Variants in MAPKAP1 observed in about 807,000 individuals in gnomAD.
The protein encoded by MAPKAP1 is target of rapamycin complex 2 subunit MAPKAP1.
MAPKAP1 carries 20 observed loss-of-function variants against 65.7 expected under a neutral mutation model. The ratio of observed to expected loss-of-function variants is 0.30; its 90% CI spans 0.21 to 0.44. MAPKAP1 has a LOEUF of 0.44. Ranked by LOEUF, MAPKAP1 falls within the 20% of genes least tolerant of loss-of-function variation. The pLI, the probability that MAPKAP1 is intolerant of heterozygous loss-of-function variation, is 1.00. For synonymous variants in MAPKAP1, 222 were observed against 244.3 expected (o/e 0.91, Z 0.85); for missense variants, 423 against 648.0 (o/e 0.65, Z 3.77).
chr9:125,476,487 C>T (rs1481131764), intron 9 of MAPKAP1, among the ~76,000 whole-genome samples: 1 of 152,154 alleles, frequency 6.6e-6, no homozygotes, highest in Admixed American at 6.5e-5. Flanking sequence ...GATCAATCCA[C>T]TTCCTAAGAA....
chr9:125,526,202 T>C (rs537928307), intron 7 of MAPKAP1, among the ~76,000 whole-genome samples: 1 of 152,326 alleles, frequency 6.6e-6, no homozygotes, highest in East Asian at 1.9e-4. Flanking sequence ...GCATGCTGGC[T>C]CCATGGACTT....
chr9:125,476,627 G>C (rs1254126692), intron 9 of MAPKAP1, among the ~76,000 whole-genome samples: 1 of 152,118 alleles, frequency 6.6e-6, no homozygotes, highest in Non-Finnish European at 1.5e-5. Context: ...TGCCTGAGGA[G>C]TGAGGCAGTC....
intron 8 of MAPKAP1, among the ~76,000 whole-genome samples, chr9:125,496,180 G>A (rs567003428): frequency 1.8e-4 from 27 of 152,304 alleles, no homozygotes; most frequent in Admixed American, 1.1e-3. Flanking sequence ...TTTATAGTGC[G>A]AACCAGTCCA....
intron 1 of MAPKAP1, among the ~76,000 whole-genome samples, chr9:125,698,306 T>TATAAATATATATAA: frequency 2.3e-5 from 1 of 44,276 alleles, no homozygotes; most frequent in Admixed American, 2.8e-4. Flanking sequence ...TATATATATA[T>TATAAATATATATAA]ATATATATAT....
chr9:125,470,544 A>G (rs1853870645), intron 9 of MAPKAP1, among the ~76,000 whole-genome samples: 1 of 152,232 alleles, frequency 6.6e-6, no homozygotes, highest in African/African-American at 2.4e-5. Flanking sequence ...TGTAAAGTAC[A>G]CTTTAACTTC....
chr9:125,502,353 G>A lies in MAPKAP1; in HGVS notation c.1066+3957C>T, dbSNP rs188388301. Among the ~76,000 whole-genome samples, 157 of 152,010 alleles carry A rather than the reference G, an allele frequency of 1.0e-3. 1 individual carries two copies. In the Middle Eastern group the frequency reaches 0.027, roughly 27 times the overall value. The stretch of plus-strand genomic sequence containing the variant: ...CTGACCTCAGGTGATCCACCGGCTC[G>A]GCCTCCCAAAGTGCTGGGATTACAG... On this transcript the variant is annotated intron_variant, in intron 8 of 11. Coordinates refer to ENST00000265960, the MANE Select transcript of MAPKAP1 (RefSeq NM_001006617.3).
At chr9:125,500,280 C>CG (rs1828932629) in intron 8 of MAPKAP1, among the ~76,000 whole-genome samples, 2 of 151,636 alleles carry the variant, frequency 1.3e-5, no homozygotes, top group Admixed American at 6.6e-5. Flanking sequence ...CTCTGCCTCC[C>CG]GGGTTCACGC....
intron 6 of MAPKAP1, among the ~76,000 whole-genome samples, chr9:125,558,189 T>C (rs1359661407): frequency 6.6e-6 from 1 of 152,110 alleles, no homozygotes; most frequent in Non-Finnish European, 1.5e-5. Flanking sequence ...CAAGTAAAAA[T>C]AACACAAAAA....
intron 11 of MAPKAP1, among the ~76,000 whole-genome samples, chr9:125,440,018 A>G (rs1157303262): frequency 6.6e-6 from 1 of 152,206 alleles, no homozygotes; most frequent in Non-Finnish European, 1.5e-5. Context: ...AAGGCACAGC[A>G]GGGGCACGCC....
intron 1 of MAPKAP1, among the ~76,000 whole-genome samples, chr9:125,696,608 T>C (rs1255176267): frequency 2.7e-5 from 4 of 150,328 alleles, no homozygotes; most frequent in African/African-American, 9.8e-5. Flanking sequence ...AATGCATATA[T>C]GAAAAAAAAA....
intron 4 of MAPKAP1, among the ~76,000 whole-genome samples, chr9:125,625,255 TAAA>T (rs58671780): frequency 5.4e-4 from 35 of 64,658 alleles, no homozygotes; most frequent in East Asian, 1.8e-3. Context: ...AATAAATAAA[TAAA>T]AAAAAAAAAA....
At chr9:125,631,246 T>C (rs1027110347) in intron 4 of MAPKAP1, among the ~76,000 whole-genome samples, 1 of 152,296 alleles carries the variant, frequency 6.6e-6, no homozygotes, top group South Asian at 2.1e-4. Flanking sequence ...TCTCGAACTT[T>C]CCAGCCATCA....
At position 125,608,838 on chromosome 9, in the gene MAPKAP1, C is replaced by A. The variant is rs527577881; in HGVS notation, c.499-23111G>T. Among the ~76,000 whole-genome samples, 54 of 152,198 alleles carry A rather than the reference C, an allele frequency of 3.5e-4. No homozygotes were observed. The East Asian group carries it at 0.01, about 29-fold the overall frequency. ...TAAGCCAATTTCCTTTACTAAAAAA[C>A]CAAAATGACAATATTAGTACCAAGA... On this transcript the variant is annotated intron_variant, in intron 4 of 11. Transcript: ENST00000265960.
chr9:125,452,122 CAG>C (rs1446612885), intron 10 of MAPKAP1, among the ~76,000 whole-genome samples: 2 of 151,384 alleles, frequency 1.3e-5, no homozygotes, highest in African/African-American at 2.4e-5. Context: ...TTTTTTGAGA[CAG>C]AGTCTTCCTC....
chr9:125,707,204 A>ACGACCCGGAACCACACC lies in MAPKAP1; in HGVS notation c.-304_-303insGGTGTGGTTCCGGGTCG, dbSNP rs1293273693. The stretch of plus-strand genomic sequence containing the variant: ...GCAGCCCTATTACCCCGAGCCGCAC[A>ACGACCCGGAACCACACC]CGACCCGGAACCACACCCCGGCGTT... On this transcript the variant is annotated 5_prime_UTR_variant, in exon 1 of 12. Transcript: ENST00000265960. 2.5e-6 allele frequency: 1 copy of ACGACCCGGAACCACACC among 397,770 alleles called. No individual in the cohort carries two copies. The highest frequency in any genetic ancestry group is 4.4e-6 in the Non-Finnish European group (1 of 225,636). The allele number at this position is 397,770 out of a possible 1,614,324, so 24.6% of individuals were successfully genotyped here.
chr9:125,644,126 T>C (rs985572452), intron 4 of MAPKAP1, among the ~76,000 whole-genome samples: 1 of 152,160 alleles, frequency 6.6e-6, no homozygotes, highest in African/African-American at 2.4e-5. Flanking sequence ...CAGAAAGCAA[T>C]GGATCTCCAC....
chr9:125,701,256 T>G (rs1835586917), intron 1 of MAPKAP1, among the ~76,000 whole-genome samples: 2 of 152,298 alleles, frequency 1.3e-5, no homozygotes, highest in South Asian at 4.1e-4. Context: ...GAAAATGTTA[T>G]TTTTTTGAAG....
intron 6 of MAPKAP1, among the ~76,000 whole-genome samples, chr9:125,553,329 G>T (rs1423115109): frequency 6.6e-6 from 1 of 152,180 alleles, no homozygotes; most frequent in Non-Finnish European, 1.5e-5. Context: ...ATCCCCTGAG[G>T]TCAGGACTTC....
At chr9:125,603,699 T>G (rs761737882) in intron 4 of MAPKAP1, among the ~76,000 whole-genome samples, 1 of 152,240 alleles carries the variant, frequency 6.6e-6, no homozygotes, top group Admixed American at 6.5e-5. Context: ...AAAATAGATA[T>G]GGCTAATTTG....
Sources: gnomAD v4.1 joint callset for allele counts (sites outside exome capture counted in the v4.1 genomes callset) on GRCh38, gnomAD v4.1.1 for gene constraint, MANE v1.5 for transcripts, NCBI Gene and HGNC (gene_info 2026-07-23, HGNC 2026-07-21) for gene names.